Variants in FRAS1 observed in about 807,000 individuals in gnomAD.
The protein encoded by FRAS1 is extracellular matrix organizing protein FRAS1.
A neutral mutation model predicts 435.2 loss-of-function variants in FRAS1; 290 were observed. The observed-to-expected ratio is 0.67, with a 90% confidence interval of 0.61 to 0.73. The LOEUF is 0.73. Among genes scored for constraint, FRAS1 ranks in the 30% least tolerant of loss-of-function variants. The probability of loss-of-function intolerance (pLI) is 0.00; values close to 1 mark genes in which losing one functional copy is unlikely to be tolerated. For missense variants in FRAS1, 4,860 were observed against 5,001.5 expected (o/e 0.97, Z 0.85); for synonymous variants, 1,800 against 1,851.0 (o/e 0.97, Z 0.71).
intron 19 of FRAS1, 53 bp from the exon 20 acceptor site, chr4:78,337,621 G>T: frequency 1.3e-6 from 2 of 1,573,094 alleles, no homozygotes; most frequent in Non-Finnish European, 1.7e-6. Context: ...AATACTTCAC[G>T]CATATACATG....
At chr4:78,510,502 C>T (rs1255063753) in intron 63 of FRAS1, among the ~76,000 whole-genome samples, 1 of 152,098 alleles carries the variant, frequency 6.6e-6, no homozygotes, top group Admixed American at 6.5e-5. Flanking sequence ...AAATTGTTTT[C>T]ATGGGTAAAA....
intron 1 of FRAS1, among the ~76,000 whole-genome samples, chr4:78,064,839 C>G (rs1322301973): frequency 1.3e-5 from 2 of 151,754 alleles, no homozygotes; most frequent in Non-Finnish European, 2.9e-5. Flanking sequence ...TAATGTCCTT[C>G]TCTCTTTAGA....
At chr4:78,405,385 C>A (rs2110350446) in intron 30 of FRAS1, among the ~76,000 whole-genome samples, 1 of 139,946 alleles carries the variant, frequency 7.1e-6, no homozygotes, top group East Asian at 2.0e-4. Flanking sequence ...GAAGTTGAAC[C>A]AGGGAGAGAA....
chr4:78,315,302 C>G (rs1348891673), intron 15 of FRAS1, among the ~76,000 whole-genome samples: 2 of 152,210 alleles, frequency 1.3e-5, no homozygotes, highest in Non-Finnish European at 2.9e-5. Flanking sequence ...AACCGCACCT[C>G]TAAGGCCATT....
chr4:78,284,313 G>T, intron 12 of FRAS1, 92 bp from the exon 13 acceptor site: 1 of 1,092,818 alleles, frequency 9.2e-7, no homozygotes, highest in Non-Finnish European at 1.3e-6. Flanking sequence ...TCTATGTAAT[G>T]CTACATACTT....
At chr4:78,444,373 T>A (rs1018853925) in intron 41 of FRAS1, among the ~76,000 whole-genome samples, 2 of 152,096 alleles carry the variant, frequency 1.3e-5, no homozygotes, top group Non-Finnish European at 2.9e-5. Flanking sequence ...TTTAAAAAAA[T>A]TCATGTTATT....
intron 4 of FRAS1, among the ~76,000 whole-genome samples, chr4:78,246,963 C>T (rs1725274934): frequency 6.6e-6 from 1 of 152,156 alleles, no homozygotes; most frequent in South Asian, 2.1e-4. Flanking sequence ...ACTTACCTGG[C>T]ACTTAGCACT....
chr4:78,322,750 A>G (rs1729559819), intron 18 of FRAS1, among the ~76,000 whole-genome samples: 1 of 152,224 alleles, frequency 6.6e-6, no homozygotes, highest in Non-Finnish European at 1.5e-5. Flanking sequence ...AGTGATCAAA[A>G]GGAACACTAC....
intron 2 of FRAS1, among the ~76,000 whole-genome samples, chr4:78,151,863 C>A (rs1720679425): frequency 6.6e-6 from 1 of 152,202 alleles, no homozygotes; most frequent in Non-Finnish European, 1.5e-5. Context: ...TCTTTCTTAT[C>A]TTTCTATTAT....
At chr4:78,118,837 C>G (rs56209110) in intron 2 of FRAS1, among the ~76,000 whole-genome samples, 1 of 150,944 alleles carries the variant, frequency 6.6e-6, no homozygotes, top group South Asian at 2.1e-4. Context: ...TGCACCCACT[C>G]TCCGACACTC....
At chr4:78,153,523 C>T (rs1043326478) in intron 2 of FRAS1, among the ~76,000 whole-genome samples, 4 of 152,148 alleles carry the variant, frequency 2.6e-5, no homozygotes, top group African/African-American at 9.7e-5. Context: ...ATAGACGGCT[C>T]TTTCCTCTGA....
In FRAS1 at chr4:78,390,970, C is replaced by G. The variant is rs1732421194; in HGVS notation, c.3975+3269C>G. 2.0e-5 allele frequency among the ~76,000 whole-genome samples: 3 copies of G among 152,242 alleles called. No homozygotes were observed. The South Asian group carries it at 6.2e-4, about 31-fold the overall frequency. On this transcript the variant is annotated intron_variant, in intron 29 of 73. Transcript: ENST00000512123. ...ATAGAAAAAGGAAGCTTTGTGTGAA[C>G]AGGGACTATTCCAGTCTTACTCCCC...
In FRAS1 at chr4:78,337,834, T is replaced by C. The variant is rs1730235911; in HGVS notation, c.2422+17T>C. On this transcript the variant is annotated intron_variant, in intron 20 of 73. Transcript: ENST00000512123. ...ACTGTGCTGGTGAGTGAAACTCCTGTGGACTCCTCGGAAATCACTGGGCAG... is the reference window on the plus strand; with the variant it reads ...ACTGTGCTGGTGAGTGAAACTCCTGCGGACTCCTCGGAAATCACTGGGCAG... The C allele has an allele frequency of 6.2e-7, 1 of 1,613,794 alleles. No homozygotes were observed. The highest frequency in any genetic ancestry group is 2.2e-5 in the East Asian group (1 of 44,870).
At chr4:78,219,463 A>G (rs1435454080) in intron 2 of FRAS1, among the ~76,000 whole-genome samples, 1 of 152,244 alleles carries the variant, frequency 6.6e-6, no homozygotes, top group African/African-American at 2.4e-5. Flanking sequence ...ACATAGCAAC[A>G]ATTGATCATG....
chr4:78,524,387 G>A (rs1393018769), intron 69 of FRAS1, among the ~76,000 whole-genome samples: 8 of 152,204 alleles, frequency 5.3e-5, no homozygotes, highest in African/African-American at 1.7e-4. Context: ...TATCAAGACC[G>A]TAGTTGTTCA....
chr4:78,454,809 A>C (rs1043865047), intron 47 of FRAS1, among the ~76,000 whole-genome samples: 1 of 152,100 alleles, frequency 6.6e-6, no homozygotes, highest in Admixed American at 6.6e-5. Flanking sequence ...AGGGGCTCCA[A>C]ATTTGCTTTT....
intron 2 of FRAS1, among the ~76,000 whole-genome samples, chr4:78,204,868 C>T (rs1723192397): frequency 6.6e-6 from 1 of 152,212 alleles, no homozygotes; most frequent in South Asian, 2.1e-4. Flanking sequence ...ACCACGTCTT[C>T]TTCCTTACAT....
At chr4:78,133,973 T>G (rs1008902678) in intron 2 of FRAS1, among the ~76,000 whole-genome samples, 3 of 147,912 alleles carry the variant, frequency 2.0e-5, no homozygotes, top group African/African-American at 5.0e-5. Context: ...TTTGTTTTTT[T>G]TTTTGAGATG....
intron 3 of FRAS1, among the ~76,000 whole-genome samples, chr4:78,240,967 G>A (rs539842360): frequency 2.0e-5 from 3 of 152,314 alleles, no homozygotes; most frequent in African/African-American, 7.2e-5. Flanking sequence ...GAGTAAGTGG[G>A]AGGAGAACTT....
Sources: gnomAD v4.1 joint callset for allele counts (sites outside exome capture counted in the v4.1 genomes callset) on GRCh38, gnomAD v4.1.1 for gene constraint, MANE v1.5 for transcripts, NCBI Gene and HGNC (gene_info 2026-07-23, HGNC 2026-07-21) for gene names.